Variants in BMPR1B observed in about 807,000 individuals in gnomAD.
BMPR1B encodes the protein bone morphogenetic protein receptor type-1B.
A neutral mutation model predicts 59.1 loss-of-function variants in BMPR1B; 12 were observed. The observed-to-expected ratio is 0.20, with a 90% confidence interval of 0.13 to 0.33. The LOEUF is 0.33. BMPR1B is among the 10% of genes least tolerant of loss of function. The pLI, the probability that BMPR1B is intolerant of heterozygous loss-of-function variation, is 1.00. For synonymous variants in BMPR1B, 237 were observed against 207.3 expected (o/e 1.14, Z -1.23); for missense variants, 550 against 610.9 (o/e 0.90, Z 1.05).
chr4:94,770,962 T>G (rs1318952415), intron 1 of BMPR1B, among the ~76,000 whole-genome samples: 2 of 151,780 alleles, frequency 1.3e-5, no homozygotes, highest in Non-Finnish European at 2.9e-5. Context: ...TTCCGTGACC[T>G]TATACTTTAG....
intron 2 of BMPR1B, among the ~76,000 whole-genome samples, chr4:94,984,723 T>A (rs971485364): frequency 6.6e-5 from 10 of 152,118 alleles, no homozygotes; most frequent in Non-Finnish European, 1.5e-4. Context: ...GTTCCCAAAG[T>A]CCTTGTGAAA....
chr4:95,116,416 C>T (rs940576345), intron 6 of BMPR1B, among the ~76,000 whole-genome samples: 4 of 116,834 alleles, frequency 3.4e-5, no homozygotes, highest in Non-Finnish European at 5.1e-5. Context: ...ATGCTTTCAG[C>T]GCGCGCACAC....
intron 1 of BMPR1B, among the ~76,000 whole-genome samples, chr4:94,837,521 T>C (rs1248076247): frequency 2.7e-5 from 4 of 145,670 alleles, no homozygotes; most frequent in Admixed American, 6.8e-5. Context: ...TTTGAAGCAA[T>C]TGTGAATGGG....
At chr4:94,910,702 G>A (rs1243057852) in intron 2 of BMPR1B, among the ~76,000 whole-genome samples, 2 of 152,020 alleles carry the variant, frequency 1.3e-5, no homozygotes, top group East Asian at 1.9e-4. Flanking sequence ...GAGGCCAGAA[G>A]TTTGAGACCA....
At chr4:94,865,864 A>G (rs953525827) in intron 1 of BMPR1B, among the ~76,000 whole-genome samples, 1 of 152,170 alleles carries the variant, frequency 6.6e-6, no homozygotes, top group Non-Finnish European at 1.5e-5. Context: ...TGATGGTGGC[A>G]TAGGATAGTG....
chr4:94,876,095 A>G (rs1027569073), intron 2 of BMPR1B, among the ~76,000 whole-genome samples, 195 bp downstream of exon 2: 1 of 152,212 alleles, frequency 6.6e-6, no homozygotes, highest in Non-Finnish European at 1.5e-5. Flanking sequence ...AATCAACATG[A>G]CAAGGTGGAT....
chr4:94,844,267 G>A (rs1470525326), intron 1 of BMPR1B, among the ~76,000 whole-genome samples: 1 of 90,580 alleles, frequency 1.1e-5, no homozygotes, highest in Non-Finnish European at 2.2e-5. Flanking sequence ...GAATCTTCTA[G>A]TTCGACTCTT....
chr4:95,082,513 A>G (rs891968499), intron 3 of BMPR1B, among the ~76,000 whole-genome samples: 1 of 151,998 alleles, frequency 6.6e-6, no homozygotes, highest in Non-Finnish European at 1.5e-5. Context: ...ATTAAATAAG[A>G]TTTCTAAACC....
chr4:94,801,274 C>G (rs1723396595), intron 1 of BMPR1B, among the ~76,000 whole-genome samples: 1 of 152,220 alleles, frequency 6.6e-6, no homozygotes, highest in South Asian at 2.1e-4. Context: ...TAAGAAACTA[C>G]TACAACTAAA....
intron 1 of BMPR1B, among the ~76,000 whole-genome samples, chr4:94,857,280 G>T (rs1458956750): frequency 6.6e-6 from 1 of 152,086 alleles, no homozygotes; most frequent in African/African-American, 2.4e-5. Context: ...AAATATTTAA[G>T]CAAATGACAA....
chr4:94,925,302 A>G (rs1367327709), intron 2 of BMPR1B, among the ~76,000 whole-genome samples: 2 of 152,118 alleles, frequency 1.3e-5, no homozygotes, highest in African/African-American at 4.8e-5. Flanking sequence ...TTAACTATGC[A>G]AATTTTGAAA....
intron 2 of BMPR1B, among the ~76,000 whole-genome samples, chr4:94,937,280 A>G (rs932872185): frequency 2.6e-5 from 4 of 151,938 alleles, no homozygotes; most frequent in African/African-American, 9.7e-5. Flanking sequence ...TTTTTCTGTG[A>G]TGTTTTCCCT....
intron 2 of BMPR1B, among the ~76,000 whole-genome samples, chr4:94,942,909 C>T (rs939346796): frequency 4.6e-5 from 7 of 152,182 alleles, no homozygotes; most frequent in South Asian, 4.1e-4. Context: ...ACACTTTCTC[C>T]GCATATACAT....
intron 1 of BMPR1B, among the ~76,000 whole-genome samples, chr4:94,822,948 T>C (rs1283741985): frequency 6.6e-6 from 1 of 152,190 alleles, no homozygotes; most frequent in East Asian, 1.9e-4. Flanking sequence ...GGAAATGATA[T>C]TCCTAAAATG....
rs536255858 is a variant in BMPR1B at position 95,140,128 on chromosome 4, C to T, written c.1076+8616C>T. ...TCTAATGTAACTCTGTGCTTATTACCATGAAATGTCTTGCCTGTTATGTAG... is the reference window on the plus strand; with the variant it reads ...TCTAATGTAACTCTGTGCTTATTACTATGAAATGTCTTGCCTGTTATGTAG... On this transcript the variant is annotated intron_variant, in intron 10 of 12. Coordinates refer to ENST00000515059, the MANE Select transcript of BMPR1B (RefSeq NM_001203.3). Among the ~76,000 whole-genome samples the T allele has an allele frequency of 4.6e-5, 7 of 152,274 alleles. No homozygotes were observed. The South Asian group carries it at 1.5e-3, about 32-fold the overall frequency.
At chr4:94,860,010 A>G (rs1223064658) in intron 1 of BMPR1B, among the ~76,000 whole-genome samples, 6 of 152,112 alleles carry the variant, frequency 3.9e-5, no homozygotes, top group African/African-American at 1.2e-4. Context: ...TGTCCATTTG[A>G]TTAGAAATTC....
chr4:94,768,505 C>T (rs1313277988), intron 1 of BMPR1B, among the ~76,000 whole-genome samples: 1 of 152,088 alleles, frequency 6.6e-6, no homozygotes, highest in African/African-American at 2.4e-5. Flanking sequence ...ATTTTTCCCT[C>T]CCCTTTCATT....
intron 3 of BMPR1B, among the ~76,000 whole-genome samples, chr4:95,085,328 C>G (rs144428129): frequency 1.3e-5 from 2 of 152,052 alleles, no homozygotes; most frequent in African/African-American, 2.4e-5. Flanking sequence ...AAAGACAGTT[C>G]GCAAACAGGA....
intron 3 of BMPR1B, among the ~76,000 whole-genome samples, chr4:94,998,920 A>G (rs1284626922): frequency 6.6e-6 from 1 of 152,140 alleles, no homozygotes; most frequent in Non-Finnish European, 1.5e-5. Context: ...ATTTGCTGGC[A>G]GTATTCAACA....
Sources: allele counts gnomAD v4.1 joint callset (sites outside exome capture counted in the v4.1 genomes callset), GRCh38; gene constraint gnomAD v4.1.1; transcripts MANE v1.5; gene names NCBI Gene and HGNC (gene_info 2026-07-23, HGNC 2026-07-21).